Variants in IFT43 observed in about 807,000 individuals in gnomAD.
IFT43 encodes the protein intraflagellar transport protein 43 homolog.
In IFT43, 33 loss-of-function variants were observed where a neutral mutation model predicts 32.3. That is an observed-to-expected ratio of 1.02 (90% confidence interval 0.77 to 1.37). IFT43 has a LOEUF of 1.37. Ranked by LOEUF, IFT43 falls within the 40% of genes most tolerant of loss-of-function variation. The pLI, the probability that IFT43 is intolerant of heterozygous loss-of-function variation, is 0.00. For synonymous variants in IFT43, 93 were observed against 98.2 expected, an observed-to-expected ratio of 0.95 and a Z score of 0.31; for missense variants, 274 against 265.9, an observed-to-expected ratio of 1.03 and a Z score of -0.21.
At chr14:76,052,137 T>C (rs1050075483) in intron 3 of IFT43, among the ~76,000 whole-genome samples, 2 of 151,848 alleles carry the variant, frequency 1.3e-5, no homozygotes, top group Non-Finnish European at 2.9e-5. Flanking sequence ...CAAGGACGCT[T>C]CCCCCCATTT....
intron 5 of IFT43, among the ~76,000 whole-genome samples, chr14:76,068,015 T>C (rs75392147): frequency 1.4e-4 from 22 of 152,308 alleles, no homozygotes; most frequent in African/African-American, 5.3e-4. Context: ...CAGAACTTTG[T>C]TGGGGGGACA....
chr14:75,998,180 A>G (rs143066582), intron 2 of IFT43, among the ~76,000 whole-genome samples: 59 of 152,284 alleles, frequency 3.9e-4, no homozygotes, highest in African/African-American at 1.3e-3. Flanking sequence ...TCTCTGACCA[A>G]TTGCAAGCTG....
intron 2 of IFT43, among the ~76,000 whole-genome samples, chr14:76,013,342 G>C (rs1362138603): frequency 1.3e-5 from 2 of 152,186 alleles, no homozygotes; most frequent in Non-Finnish European, 2.9e-5. Context: ...TCCAGGCAGG[G>C]ACTGGAGCTT....
chr14:76,059,840 G>C (rs903313469), intron 5 of IFT43, among the ~76,000 whole-genome samples: 1 of 152,186 alleles, frequency 6.6e-6, no homozygotes, highest in Non-Finnish European at 1.5e-5. Flanking sequence ...TTGTGGAAAC[G>C]AAGGCATGGA....
chr14:76,082,546 C>T (rs1318638846), intron 6 of IFT43, 71 bp from the exon 7 acceptor site: 18 of 1,565,658 alleles, frequency 1.1e-5, no homozygotes, highest in Admixed American at 3.3e-5. Flanking sequence ...GTTCTGGGGA[C>T]GGTGGCCCGG....
chr14:75,989,840 G>A (rs189417789), intron 2 of IFT43, among the ~76,000 whole-genome samples: 3 of 152,278 alleles, frequency 2.0e-5, no homozygotes, highest in Admixed American at 2.0e-4. Flanking sequence ...GGGTCAGGCA[G>A]GTGCATGAGC....
chr14:76,022,298 GT>G, intron 2 of IFT43, 28 bp from the exon 3 acceptor site: 1 of 1,583,824 alleles, frequency 6.3e-7, no homozygotes, highest in Non-Finnish European at 8.7e-7. Flanking sequence ...TTGAGTGAAT[GT>G]GTTCTTTTGA....
chr14:76,053,116 A>G (rs1483439612), intron 3 of IFT43, among the ~76,000 whole-genome samples: 1 of 152,226 alleles, frequency 6.6e-6, no homozygotes, highest in Non-Finnish European at 1.5e-5. Context: ...ATAAGGTACT[A>G]TAATACTGAA....
intron 1 of IFT43, among the ~76,000 whole-genome samples, chr14:75,988,224 A>G (rs2035566975): frequency 6.6e-6 from 1 of 152,066 alleles, no homozygotes; most frequent in Non-Finnish European, 1.5e-5. Context: ...AAAAAAATAA[A>G]ATAAAGTATC....
At position 76,082,661 on chromosome 14, in the gene IFT43, A is replaced by G; in HGVS notation, c.413A>G (p.Asp138Gly). 6.2e-7 allele frequency: 1 copy of G among 1,613,758 alleles called. No individual in the cohort carries two copies. The highest frequency in any genetic ancestry group is 1.6e-4 in the Middle Eastern group (1 of 6,062). Residue 138 changes from aspartate (D) to glycine (G), a missense_variant, in exon 7 of 9, where the codon GAC becomes GGC. Asp to Gly is a moderately conservative substitution (Grantham distance 94). Coordinates refer to ENST00000314067, the MANE Select transcript of IFT43 (RefSeq NM_001102564.3). ...ATGACCTACCGTGACCTGGACAATG[A>G]CCTCATGAAGTACTCAGCCATTCAG... is the stretch of plus-strand genomic sequence containing the variant. ...RVMTYRDLDN[D>G]LMKYSAIQTL... is the part of the protein sequence containing the mutation.
At chr14:76,027,108 G>A (rs2036412235) in intron 3 of IFT43, among the ~76,000 whole-genome samples, 1 of 152,128 alleles carries the variant, frequency 6.6e-6, no homozygotes, top group Non-Finnish European at 1.5e-5. Context: ...GGTCGGAAAG[G>A]ATCAGGAAAA....
At chr14:76,041,166 C>A (rs1021054098) in intron 3 of IFT43, among the ~76,000 whole-genome samples, 3 of 152,214 alleles carry the variant, frequency 2.0e-5, no homozygotes, top group African/African-American at 7.2e-5. Context: ...AGAATGGGTT[C>A]TCAGGATGTC....
intron 2 of IFT43, among the ~76,000 whole-genome samples, chr14:76,011,746 A>G (rs1243055435): frequency 1.3e-5 from 2 of 152,206 alleles, no homozygotes; most frequent in Non-Finnish European, 2.9e-5. Context: ...TGAGTGATCC[A>G]TTACCTTCCA....
chr14:76,014,670 C>T (rs1192271911), intron 2 of IFT43, among the ~76,000 whole-genome samples: 1 of 152,184 alleles, frequency 6.6e-6, no homozygotes, highest in African/African-American at 2.4e-5. Context: ...ACCTCTCCTT[C>T]TCCTCAGCAC....
At chr14:76,025,113 C>T (rs975914097) in intron 3 of IFT43, among the ~76,000 whole-genome samples, 10 of 152,220 alleles carry the variant, frequency 6.6e-5, no homozygotes, top group African/African-American at 2.4e-4. Flanking sequence ...AGTGGGATGG[C>T]CAGTGATCGA....
intron 3 of IFT43, among the ~76,000 whole-genome samples, chr14:76,027,934 T>C (rs1466544927): frequency 6.6e-6 from 1 of 152,104 alleles, no homozygotes; most frequent in Admixed American, 6.6e-5. Context: ...TGTAAACTAG[T>C]CCTCACCTTT....
At chr14:76,077,503 C>A (rs1394600906) in intron 5 of IFT43, among the ~76,000 whole-genome samples, 1 of 152,108 alleles carries the variant, frequency 6.6e-6, no homozygotes, top group African/African-American at 2.4e-5. Flanking sequence ...GCACAGATGC[C>A]TGGGATGTGG....
intron 5 of IFT43, among the ~76,000 whole-genome samples, chr14:76,062,362 G>C (rs565718935): frequency 1.3e-5 from 2 of 151,936 alleles, no homozygotes; most frequent in East Asian, 3.9e-4. Context: ...GAGCCACCGC[G>C]CCCGGCCTGT....
intron 2 of IFT43, among the ~76,000 whole-genome samples, chr14:76,003,772 G>A (rs115544001): frequency 0.012 from 1,827 of 151,786 alleles, 45 homozygotes; most frequent in African/African-American, 0.042. Flanking sequence ...ACAGTTTGTC[G>A]GGTTTTTGTT....
Sources: allele counts gnomAD v4.1 joint callset (sites outside exome capture counted in the v4.1 genomes callset), GRCh38; gene constraint gnomAD v4.1.1; transcripts MANE v1.5; gene names NCBI Gene and HGNC (gene_info 2026-07-23, HGNC 2026-07-21).